Variants in PDE6A observed in about 807,000 individuals in gnomAD.
PDE6A encodes the protein rod cGMP-specific 3',5'-cyclic phosphodiesterase subunit alpha.
In PDE6A, 84 loss-of-function variants were observed where a neutral mutation model predicts 106.3. The observed-to-expected ratio is 0.79, with a 90% confidence interval of 0.66 to 0.95. The LOEUF (loss-of-function observed/expected upper bound fraction) is 0.95, where lower values mean the gene tolerates loss of function less well. PDE6A is among the 40% of genes least tolerant of loss of function. PDE6A has a pLI of 0.00. For synonymous variants in PDE6A, 394 were observed against 386.6 expected, an observed-to-expected ratio of 1.02 and a Z score of -0.23; for missense variants, 1,052 against 1,084.9, an observed-to-expected ratio of 0.97 and a Z score of 0.43.
chr5:149,879,519 C>T (rs990156877), intron 17 of PDE6A, among the ~76,000 whole-genome samples: 1 of 150,968 alleles, frequency 6.6e-6, no homozygotes, highest in Non-Finnish European at 1.5e-5. Context: ...TGGTGCACTG[C>T]ACCCACTAAC....
chr5:149,880,254 A>T (rs111232574), intron 17 of PDE6A, among the ~76,000 whole-genome samples: 1,979 of 152,148 alleles, frequency 0.013, 19 homozygotes, highest in South Asian at 0.037. Context: ...TTTGTTTTGG[A>T]ATCACCCTTA....
At chr5:149,937,317 G>A (rs1163020091) in intron 1 of PDE6A, among the ~76,000 whole-genome samples, 1 of 152,226 alleles carries the variant, frequency 6.6e-6, no homozygotes, top group Non-Finnish European at 1.5e-5. Flanking sequence ...GAGGCAGGCA[G>A]GGGCCAGATC....
chr5:149,886,706 T>G (rs994781847), intron 13 of PDE6A, among the ~76,000 whole-genome samples: 8 of 152,146 alleles, frequency 5.3e-5, no homozygotes, highest in African/African-American at 1.9e-4. Flanking sequence ...TCAGATGAAT[T>G]TTGAGAAACT....
At position 149,860,925 on chromosome 5, in the gene PDE6A, T is replaced by G. The variant is rs1760113777; in HGVS notation, c.2553A>C (p.Ala851=). Residue 851 remains alanine (A), a synonymous_variant, in exon 22 of 22, where the codon GCA becomes GCC. Transcript: ENST00000255266. ...GGATGCAGCAGGACTTGGATGTAGTTGCACCCCCTGGGCTGGGGTTTCCCC... is the reference window on the plus strand; with the variant it reads ...GGATGCAGCAGGACTTGGATGTAGTGGCACCCCCTGGGCTGGGGTTTCCCC... ...QPGGNPSPGG[A]TTSKSCCIQ The G allele has an allele frequency of 6.2e-7, 1 of 1,614,080 alleles. No homozygotes were observed. The highest frequency in any genetic ancestry group is 1.7e-5 in the Admixed American group (1 of 59,994).
At chr5:149,932,312 G>C (rs1754058466) in intron 3 of PDE6A, 3 of 1,441,888 alleles carry the variant, frequency 2.1e-6, no homozygotes, top group Non-Finnish European at 2.9e-6. Context: ...CAACTGCACG[G>C]ATTTCTTCAT....
chr5:149,870,932 GGAAGA>G lies in PDE6A; in HGVS notation c.2136-2779_2136-2775del, dbSNP rs746519867. On this transcript the variant is annotated intron_variant, in intron 17 of 21. Coordinates refer to ENST00000255266, the MANE Select transcript of PDE6A (RefSeq NM_000440.3). Reference sequence around the variant, plus strand: ...GAAAGAGAAAGAAAGAAGAAAGAAAGGAAGAGAAGAGAAGAGAAAAGAAAAGAAAA... The same window carrying G: ...GAAAGAGAAAGAAAGAAGAAAGAAAGGAAGAGAAGAGAAAAGAAAAGAAAA... Among the ~76,000 whole-genome samples the G allele has an allele frequency of 9.6e-3, 1,423 of 148,134 alleles. 12 individuals are homozygous for G. Among genetic ancestry groups the G allele is most frequent in the Non-Finnish European group, 0.016 (1,044 of 67,104 alleles).
At chr5:149,889,524 T>C (rs1246371965) in intron 13 of PDE6A, among the ~76,000 whole-genome samples, 1 of 151,958 alleles carries the variant, frequency 6.6e-6, no homozygotes, top group Non-Finnish European at 1.5e-5. Context: ...CTCACTGCGG[T>C]TTGGACCTCC....
intron 3 of PDE6A, among the ~76,000 whole-genome samples, chr5:149,931,840 G>T (rs552938037): frequency 6.6e-6 from 1 of 152,284 alleles, no homozygotes; most frequent in African/African-American, 2.4e-5. Context: ...TACAAAACAT[G>T]CAAAAGGAGA....
At chr5:149,938,986 C>T (rs932565274) in intron 1 of PDE6A, among the ~76,000 whole-genome samples, 2 of 152,090 alleles carry the variant, frequency 1.3e-5, no homozygotes, top group African/African-American at 4.8e-5. Flanking sequence ...GAATCTAGAC[C>T]CCTGTCTACA....
intron 10 of PDE6A, 97 bp downstream of exon 10, chr5:149,898,266 C>T: frequency 9.4e-7 from 1 of 1,062,478 alleles, no homozygotes; most frequent in Non-Finnish European, 1.5e-6. Context: ...CATGCCCAGG[C>T]TGTGCCCTCA....
At chr5:149,864,065 A>G (rs1760239012) in intron 20 of PDE6A, among the ~76,000 whole-genome samples, 1 of 151,880 alleles carries the variant, frequency 6.6e-6, no homozygotes, top group East Asian at 1.9e-4. Flanking sequence ...CTCTCTTACC[A>G]CATCTTGCTT....
chr5:149,915,011 G>C lies in PDE6A; in HGVS notation c.934-4C>G, dbSNP rs1753506927. On this transcript the variant is annotated splice_polypyrimidine_tract_variant and splice_region_variant and intron_variant, in intron 5 of 21. Coordinates refer to ENST00000255266, the MANE Select transcript of PDE6A (RefSeq NM_000440.3). ...TGACCTTGTAAAAGTTAATTTCCTG[G>C]CAAAAGAGAGAAAAATTATACTTTT... The C allele has an allele frequency of 1.3e-6, 2 of 1,525,484 alleles. No individual in the cohort carries two copies. The highest frequency in any genetic ancestry group is 1.7e-5 in the Admixed American group (1 of 58,942). The allele number at this position is 1,525,484 out of a possible 1,614,324, so 94.5% of individuals were successfully genotyped here.
At chr5:149,934,493 C>G (rs1010157293) in intron 2 of PDE6A, 73 bp downstream of exon 2, 81 of 1,513,414 alleles carry the variant, frequency 5.4e-5, no homozygotes, top group Non-Finnish European at 7.2e-5. Context: ...GGTCAAACAG[C>G]AAAGTTCAGG....
At chr5:149,882,214 G>T (rs1202098439) in intron 17 of PDE6A, among the ~76,000 whole-genome samples, 1 of 152,008 alleles carries the variant, frequency 6.6e-6, no homozygotes, top group Non-Finnish European at 1.5e-5. Flanking sequence ...GGGAGGCCTG[G>T]TTGGACAACT....
intron 6 of PDE6A, among the ~76,000 whole-genome samples, chr5:149,910,736 C>G (rs1753353314): frequency 6.6e-6 from 1 of 152,068 alleles, no homozygotes. Context: ...AGTAGGGGCC[C>G]TAACAGATCG....
At position 149,944,479 on chromosome 5, in the gene PDE6A, CAGG is replaced by C. The variant is rs746864593; in HGVS notation, c.192_194del (p.Leu65del). ...TCTGTAAATTCTCCTGAAAGTCCCG[CAGG>C]AGATCAAAGATGATTTCGCTCTCCT... On this transcript the variant is annotated inframe_deletion, in exon 1 of 22. Transcript: ENST00000255266. 1.2e-6 allele frequency: 2 copies of C among 1,614,126 alleles called. No individual in the cohort carries two copies. Among genetic ancestry groups the C allele is most frequent in the Admixed American group, 3.3e-5 (2 of 60,022 alleles).
In PDE6A at chr5:149,866,170, C is replaced by T. The variant is rs778617861; in HGVS notation, c.2358G>A (p.Lys786=). 6.2e-7 allele frequency: 1 copy of T among 1,612,198 alleles called. No homozygotes were observed. Among genetic ancestry groups the T allele is most frequent in the East Asian group, 2.2e-5 (1 of 44,874 alleles). The change falls in exon 20 of 22, where the codon AAG becomes AAA. Residue 786 remains lysine (K), a splice_region_variant and synonymous_variant. Transcript: ENST00000255266. ...FIDFVCTFVY[K]EFSRFHEEIT... is the part of the protein sequence containing the mutation. ...GCGGCTGAGGAAGCCAAGGGCCTAC[C>T]TTGTAGACGAAGGTGCAAACAAAGT...
intron 6 of PDE6A, among the ~76,000 whole-genome samples, chr5:149,912,457 C>CA (rs1269066107): frequency 6.6e-6 from 1 of 152,326 alleles, no homozygotes; most frequent in Non-Finnish European, 1.5e-5. Context: ...GTTTCCTAAC[C>CA]ACTCAAGTAA....
At chr5:149,869,071 A>T (rs1314703982) in intron 17 of PDE6A, among the ~76,000 whole-genome samples, 1 of 152,230 alleles carries the variant, frequency 6.6e-6, no homozygotes, top group Non-Finnish European at 1.5e-5. Context: ...GGCTCACGCC[A>T]GTAATCCCAG....
Sources: allele counts gnomAD v4.1 joint callset (sites outside exome capture counted in the v4.1 genomes callset), GRCh38; gene constraint gnomAD v4.1.1; transcripts MANE v1.5; gene names NCBI Gene and HGNC (gene_info 2026-07-23, HGNC 2026-07-21).